Variants in ROR1 observed in about 807,000 individuals in gnomAD.
ROR1 encodes the protein inactive tyrosine-protein kinase transmembrane receptor ROR1.
A neutral mutation model predicts 78.8 loss-of-function variants in ROR1; 19 were observed. The observed-to-expected ratio is 0.24, with a 90% CI of 0.17 to 0.35. The LOEUF (loss-of-function observed/expected upper bound fraction) is 0.35, where lower values mean the gene tolerates loss of function less well. ROR1 is among the 10% of genes least tolerant of loss of function. The pLI is 1.00. For synonymous variants in ROR1, 386 were observed against 433.6 expected (o/e 0.89, Z 1.36); for missense variants, 917 against 1,177.8 (o/e 0.78, Z 3.24).
intron 4 of ROR1, among the ~76,000 whole-genome samples, chr1:64,133,405 C>T (rs990100376): frequency 5.3e-5 from 8 of 152,204 alleles, no homozygotes; most frequent in Non-Finnish European, 1.5e-5. Context: ...TAGATGGGCA[C>T]TCCTTTTGCT....
intron 1 of ROR1, among the ~76,000 whole-genome samples, chr1:63,927,749 A>G (rs1645717044): frequency 6.6e-6 from 1 of 152,136 alleles, no homozygotes. Flanking sequence ...TCAGACAACT[A>G]GAGGTGTACC....
Position 64,020,218 on chromosome 1 carries a change from G to A in ROR1, c.163+10842G>A, listed in dbSNP as rs979711775. On this transcript the variant is annotated intron_variant, in intron 2 of 8. Coordinates refer to ENST00000371079, the MANE Select transcript of ROR1 (RefSeq NM_005012.4). Reference sequence around the variant, plus strand: ...TGATAATTTGTTAAAGTAACATCAGGAAACTAAGAGAGATTTAAGCAACTT... The same window carrying A: ...TGATAATTTGTTAAAGTAACATCAGAAAACTAAGAGAGATTTAAGCAACTT... Among the ~76,000 whole-genome samples, 3 of 152,278 alleles carry A rather than the reference G, an allele frequency of 2.0e-5. No individual in the cohort carries two copies. The South Asian group carries it at 6.2e-4, about 32-fold the overall frequency.
At chr1:63,792,120 T>A (rs1470894351) in intron 1 of ROR1, among the ~76,000 whole-genome samples, 4 of 152,078 alleles carry the variant, frequency 2.6e-5, no homozygotes, top group Non-Finnish European at 5.9e-5. Flanking sequence ...CTGGCAGGCC[T>A]CTAGGTTTAG....
At chr1:63,893,364 A>G (rs964353672) in intron 1 of ROR1, among the ~76,000 whole-genome samples, 1 of 152,132 alleles carries the variant, frequency 6.6e-6, no homozygotes, top group African/African-American at 2.4e-5. Context: ...CAGCCATGAG[A>G]AAACCTAGCT....
chr1:64,079,183 A>G (rs985593590), intron 4 of ROR1, among the ~76,000 whole-genome samples: 2 of 152,214 alleles, frequency 1.3e-5, no homozygotes, highest in African/African-American at 4.8e-5. Flanking sequence ...CTCTACCCCC[A>G]AACATTAAAC....
intron 4 of ROR1, among the ~76,000 whole-genome samples, chr1:64,129,599 G>A (rs924752955): frequency 6.6e-6 from 1 of 152,098 alleles, no homozygotes; most frequent in Non-Finnish European, 1.5e-5. Flanking sequence ...CCTTAACAGA[G>A]GAAAAGTAAA....
chr1:63,834,681 C>T (rs1265929117), intron 1 of ROR1, among the ~76,000 whole-genome samples: 1 of 152,166 alleles, frequency 6.6e-6, no homozygotes, highest in Non-Finnish European at 1.5e-5. Flanking sequence ...CAGGCCTCCT[C>T]CTCTTCTAGC....
chr1:63,947,222 A>G (rs1200957139), intron 1 of ROR1, among the ~76,000 whole-genome samples: 1 of 152,178 alleles, frequency 6.6e-6, no homozygotes, highest in East Asian at 1.9e-4. Context: ...AGTCCCCTGT[A>G]TGGCAGCCCA....
intron 1 of ROR1, among the ~76,000 whole-genome samples, chr1:63,885,612 C>T: frequency 6.6e-6 from 1 of 152,068 alleles, no homozygotes; most frequent in Non-Finnish European, 1.5e-5. Context: ...GGAGAGAGAC[C>T]AGTATCTTAA....
At chr1:64,105,973 G>GT (rs57362134) in intron 4 of ROR1, 102,523 of 151,730 alleles carry the variant, frequency 0.68, 35,279 homozygotes, top group East Asian at 0.97. Flanking sequence ...ATTTAAAGTA[G>GT]TTTTTTTTCT....
intron 8 of ROR1, among the ~76,000 whole-genome samples, chr1:64,172,670 G>C (rs560404888): frequency 2.0e-5 from 3 of 151,940 alleles, no homozygotes. Context: ...TTTACATTTT[G>C]TACATCCCTG....
At chr1:64,070,413 G>A (rs896439168) in intron 4 of ROR1, among the ~76,000 whole-genome samples, 3 of 152,072 alleles carry the variant, frequency 2.0e-5, no homozygotes, top group African/African-American at 7.2e-5. Flanking sequence ...ACTGCAGCCT[G>A]ACCCTCCTGG....
intron 4 of ROR1, among the ~76,000 whole-genome samples, chr1:64,120,193 A>C (rs1034507875): frequency 1.3e-5 from 2 of 151,870 alleles, no homozygotes; most frequent in Non-Finnish European, 2.9e-5. Flanking sequence ...ATATCCAGAG[A>C]GCAGGATTCT....
chr1:64,019,089 T>G (rs1363207114), intron 2 of ROR1, among the ~76,000 whole-genome samples: 1 of 152,214 alleles, frequency 6.6e-6, no homozygotes, highest in Non-Finnish European at 1.5e-5. Context: ...ATTGGTCTGG[T>G]GTATAGCCTG....
chr1:64,050,005 C>T (rs1287993124), intron 3 of ROR1, 27 bp downstream of exon 3: 8 of 1,610,828 alleles, frequency 5.0e-6, no homozygotes, highest in Non-Finnish European at 6.8e-6. Context: ...TGGGGATGGA[C>T]TTTGGCCCTC....
intron 1 of ROR1, among the ~76,000 whole-genome samples, chr1:63,946,862 G>A (rs1004904927): frequency 2.2e-4 from 33 of 152,244 alleles, no homozygotes; most frequent in African/African-American, 7.7e-4. Context: ...GGGTTGAGGT[G>A]GTGGATACCA....
chr1:63,963,964 T>C (rs968159087), intron 1 of ROR1, among the ~76,000 whole-genome samples: 2 of 152,208 alleles, frequency 1.3e-5, no homozygotes, highest in Non-Finnish European at 2.9e-5. Context: ...TATATTTTTT[T>C]GAGCAAAAGA....
intron 2 of ROR1, among the ~76,000 whole-genome samples, chr1:64,014,735 G>GCA (rs1197421164): frequency 9.6e-5 from 1 of 10,456 alleles, no homozygotes. Flanking sequence ...ATACACATAC[G>GCA]CACACTATAT....
chr1:63,965,342 T>G (rs1187492240), intron 1 of ROR1, among the ~76,000 whole-genome samples: 1 of 152,164 alleles, frequency 6.6e-6, no homozygotes, highest in Non-Finnish European at 1.5e-5. Context: ...CCACCTTGCT[T>G]CTCGGCACTT....
Sources: gnomAD v4.1 joint callset for allele counts (sites outside exome capture counted in the v4.1 genomes callset) on GRCh38, gnomAD v4.1.1 for gene constraint, MANE v1.5 for transcripts, NCBI Gene and HGNC (gene_info 2026-07-23, HGNC 2026-07-21) for gene names.